AGPS: variants seen among roughly 807,000 people sequenced by gnomAD.
The protein encoded by AGPS is alkyldihydroxyacetonephosphate synthase, peroxisomal.
Under a neutral mutation model 90.7 loss-of-function variants are expected in AGPS, and 26 were observed. The ratio of observed to expected loss-of-function variants is 0.29; its 90% CI spans 0.21 to 0.40. AGPS has a LOEUF of 0.40. Among genes scored for constraint, AGPS ranks in the 10% least tolerant of loss-of-function variants. The pLI is 1.00. For missense variants in AGPS, 540 were observed against 816.1 expected, an observed-to-expected ratio of 0.66 and a Z score of 4.12; for synonymous variants, 294 against 285.3, an observed-to-expected ratio of 1.03 and a Z score of -0.31.
At chr2:177,488,359 C>T (rs568360998) in intron 11 of AGPS, among the ~76,000 whole-genome samples, 2 of 152,018 alleles carry the variant, frequency 1.3e-5, no homozygotes, top group African/African-American at 4.8e-5. Flanking sequence ...ACTACAGGCG[C>T]CCGCCACCAC....
intron 10 of AGPS, among the ~76,000 whole-genome samples, chr2:177,474,634 A>G (rs1232636303): frequency 6.6e-5 from 10 of 152,060 alleles, no homozygotes; most frequent in Admixed American, 3.3e-4. Context: ...ATTCTCTGGG[A>G]CCCTCCCTTA....
intron 16 of AGPS, among the ~76,000 whole-genome samples, chr2:177,512,995 C>T (rs907254378): frequency 1.3e-5 from 2 of 152,044 alleles, no homozygotes; most frequent in Admixed American, 1.3e-4. Context: ...AGACATGCAC[C>T]ACCTTGCCCA....
intron 14 of AGPS, among the ~76,000 whole-genome samples, chr2:177,503,177 C>T (rs898733065): frequency 3.3e-5 from 5 of 152,110 alleles, no homozygotes; most frequent in East Asian, 1.9e-4. Flanking sequence ...TACCTTTGAA[C>T]ACATATGACC....
chr2:177,511,017 T>G (rs1688853378), intron 16 of AGPS, among the ~76,000 whole-genome samples: 1 of 152,180 alleles, frequency 6.6e-6, no homozygotes, highest in South Asian at 2.1e-4. Context: ...TCTTCATAGA[T>G]TCTTATGAAT....
chr2:177,394,540 T>G (rs1685114794), intron 1 of AGPS, among the ~76,000 whole-genome samples: 1 of 152,096 alleles, frequency 6.6e-6, no homozygotes, highest in South Asian at 2.1e-4. Context: ...GTTTACAGGA[T>G]TTTACGTGGG....
chr2:177,522,887 G>C (rs12616093), intron 18 of AGPS, among the ~76,000 whole-genome samples: 12,378 of 152,178 alleles, frequency 0.081, 860 homozygotes, highest in East Asian at 0.36. Flanking sequence ...AGGTACTATA[G>C]ATATTTTACC....
intron 2 of AGPS, among the ~76,000 whole-genome samples, chr2:177,433,572 C>A (rs982952995): frequency 6.6e-6 from 1 of 152,278 alleles, no homozygotes; most frequent in African/African-American, 2.4e-5. Flanking sequence ...ATGAGTCATA[C>A]TTTCCAGTTT....
At chr2:177,466,339 T>A (rs1283690639) in intron 9 of AGPS, among the ~76,000 whole-genome samples, 1 of 152,208 alleles carries the variant, frequency 6.6e-6, no homozygotes, top group Non-Finnish European at 1.5e-5. Flanking sequence ...GGAGGAAGTT[T>A]GTGCTGATTG....
chr2:177,422,137 T>G (rs548582286), intron 2 of AGPS, among the ~76,000 whole-genome samples: 1 of 152,106 alleles, frequency 6.6e-6, no homozygotes, highest in Non-Finnish European at 1.5e-5. Flanking sequence ...CTGGAAGAGA[T>G]GAGGCTGTAG....
At chr2:177,449,101 A>C (rs1376141384) in intron 8 of AGPS, among the ~76,000 whole-genome samples, 1 of 152,222 alleles carries the variant, frequency 6.6e-6, no homozygotes, top group Admixed American at 6.5e-5. Flanking sequence ...GTTGATGAAC[A>C]CTTGGATTAT....
intron 8 of AGPS, among the ~76,000 whole-genome samples, chr2:177,454,331 T>C (rs1687049043): frequency 6.6e-6 from 1 of 152,066 alleles, no homozygotes; most frequent in South Asian, 2.1e-4. Context: ...TCTTTTCTGC[T>C]CTTAATCCCA....
chr2:177,448,479 C>T (rs530413246), intron 8 of AGPS, among the ~76,000 whole-genome samples: 3 of 152,244 alleles, frequency 2.0e-5, no homozygotes, highest in South Asian at 2.1e-4. Context: ...TCTCCACTTG[C>T]GTATTTACAG....
chr2:177,494,654 A>G (rs1007401281), intron 12 of AGPS, among the ~76,000 whole-genome samples: 1 of 152,118 alleles, frequency 6.6e-6, no homozygotes. Flanking sequence ...CCATGTTCTC[A>G]TTACTATACC....
intron 6 of AGPS, 145 bp downstream of exon 6, chr2:177,441,181 A>C (rs953461087): frequency 1.3e-5 from 9 of 713,942 alleles, no homozygotes; most frequent in Non-Finnish European, 1.9e-5. Flanking sequence ...AATGATGCTC[A>C]TTTTTGTTCT....
chr2:177,481,713 TATG>T (rs1175904480), intron 10 of AGPS, among the ~76,000 whole-genome samples: 5 of 150,448 alleles, frequency 3.3e-5, no homozygotes, highest in Admixed American at 2.6e-4. Flanking sequence ...TCTGAATACA[TATG>T]AGACATAAGA....
At chr2:177,444,159 G>A (rs943619246) in intron 7 of AGPS, among the ~76,000 whole-genome samples, 3 of 152,082 alleles carry the variant, frequency 2.0e-5, no homozygotes, top group Non-Finnish European at 2.9e-5. Context: ...GGTGGCTCAC[G>A]CCTGTAATCC....
At chr2:177,490,553 T>A (rs1367937701) in intron 11 of AGPS, among the ~76,000 whole-genome samples, 1 of 152,154 alleles carries the variant, frequency 6.6e-6, no homozygotes, top group East Asian at 1.9e-4. Flanking sequence ...CTATTCCTCC[T>A]TGATACTAAT....
At chr2:177,416,270 C>A (rs1263709049) in intron 1 of AGPS, among the ~76,000 whole-genome samples, 1 of 151,898 alleles carries the variant, frequency 6.6e-6, no homozygotes, top group Non-Finnish European at 1.5e-5. Flanking sequence ...AAATATTTCA[C>A]CTAAAGATTG....
chr2:177,477,178 T>A (rs1031009255), intron 10 of AGPS, among the ~76,000 whole-genome samples: 1 of 152,130 alleles, frequency 6.6e-6, no homozygotes, highest in Non-Finnish European at 1.5e-5. Context: ...TCTGCCTTAT[T>A]TTCCCCCCCT....
Sources: allele counts gnomAD v4.1 joint callset (sites outside exome capture counted in the v4.1 genomes callset), GRCh38; gene constraint gnomAD v4.1.1; transcripts MANE v1.5; gene names NCBI Gene and HGNC (gene_info 2026-07-23, HGNC 2026-07-21).